FUT9: variants seen among roughly 807,000 people sequenced by gnomAD.
FUT9 encodes 4-galactosyl-N-acetylglucosaminide 3-alpha-L-fucosyltransferase 9.
FUT9 carries 15 observed loss-of-function variants against 29.7 expected under a neutral mutation model. The ratio of observed to expected loss-of-function variants is 0.51; its 90% CI spans 0.34 to 0.78. The LOEUF (loss-of-function observed/expected upper bound fraction) is 0.78, where lower values mean the gene tolerates loss of function less well. Among genes scored for constraint, FUT9 ranks in the 30% least tolerant of loss-of-function variants. FUT9 has a pLI of 0.01. For missense variants in FUT9, 319 were observed against 425.4 expected (o/e 0.75, Z 2.20); for synonymous variants, 169 against 153.7 (o/e 1.10, Z -0.74).
At chr6:96,072,789 ATTG>A (rs1771084903) in intron 1 of FUT9, among the ~76,000 whole-genome samples, 1 of 152,238 alleles carries the variant, frequency 6.6e-6, no homozygotes, top group Non-Finnish European at 1.5e-5. Context: ...GTTAATAAAA[ATTG>A]CACAAACATA....
chr6:96,024,510 A>G (rs1770129400), intron 1 of FUT9, among the ~76,000 whole-genome samples: 1 of 151,650 alleles, frequency 6.6e-6, no homozygotes, highest in South Asian at 2.1e-4. Context: ...GGCACCATCT[A>G]TTTCATCCTT....
Position 96,078,529 on chromosome 6 carries a change from T to C in FUT9, c.-97-35510T>C, listed in dbSNP as rs959980798. On this transcript the variant is annotated intron_variant, in intron 1 of 2. Coordinates refer to ENST00000302103, the MANE Select transcript of FUT9 (RefSeq NM_006581.4). The stretch of plus-strand genomic sequence containing the variant: ...TCCGCCTCCTGGATTCGCGCCATTC[T>C]CCTGCCTCAGCCTCCCGAGTAGCTG... Among the ~76,000 whole-genome samples the C allele has an allele frequency of 6.2e-5, 9 of 144,878 alleles. No homozygotes were observed. The East Asian group carries it at 2.0e-3, about 32-fold the overall frequency.
At chr6:96,114,635 T>C (rs1771876145) in intron 2 of FUT9, among the ~76,000 whole-genome samples, 1 of 151,132 alleles carries the variant, frequency 6.6e-6, no homozygotes, top group Admixed American at 6.6e-5. Flanking sequence ...TATATTCATA[T>C]ATGTAATTTA....
At chr6:96,147,410 C>T (rs1464068975) in intron 2 of FUT9, among the ~76,000 whole-genome samples, 1 of 152,058 alleles carries the variant, frequency 6.6e-6, no homozygotes, top group Non-Finnish European at 1.5e-5. Flanking sequence ...TTCAGGTGAT[C>T]CGCCTGCCTC....
At chr6:96,109,082 C>A (rs987649701) in intron 1 of FUT9, among the ~76,000 whole-genome samples, 2 of 152,154 alleles carry the variant, frequency 1.3e-5, no homozygotes, top group Non-Finnish European at 2.9e-5. Context: ...GATTTGGCTC[C>A]ATGACCTCTT....
intron 2 of FUT9, among the ~76,000 whole-genome samples, chr6:96,140,178 G>T (rs1000053107): frequency 1.3e-5 from 2 of 152,120 alleles, no homozygotes; most frequent in Non-Finnish European, 2.9e-5. Flanking sequence ...TAGCAAGAAT[G>T]ACCTTTACTC....
At chr6:96,052,152 G>A (rs1770682389) in intron 1 of FUT9, among the ~76,000 whole-genome samples, 1 of 152,018 alleles carries the variant, frequency 6.6e-6, no homozygotes, top group African/African-American at 2.4e-5. Context: ...GCAAAAGGGG[G>A]AAAACCCCTT....
chr6:96,103,465 G>T (rs573359796), intron 1 of FUT9, among the ~76,000 whole-genome samples: 4 of 152,078 alleles, frequency 2.6e-5, no homozygotes, highest in African/African-American at 9.7e-5. Flanking sequence ...AAACTGGGTG[G>T]CTTCAAACAA....
chr6:96,129,940 A>AT (rs559907711), intron 2 of FUT9, among the ~76,000 whole-genome samples: 92 of 152,110 alleles, frequency 6.0e-4, no homozygotes, highest in Non-Finnish European at 1.0e-3. Flanking sequence ...TATGCCTTGA[A>AT]TTTTTTAATT....
At chr6:96,063,175 G>T (rs1770905575) in intron 1 of FUT9, among the ~76,000 whole-genome samples, 1 of 152,144 alleles carries the variant, frequency 6.6e-6, no homozygotes, top group South Asian at 2.1e-4. Flanking sequence ...TGGAAAATGA[G>T]AAATATAAAA....
intron 1 of FUT9, among the ~76,000 whole-genome samples, chr6:96,038,408 ATTC>A (rs1304847096): frequency 1.3e-5 from 2 of 152,176 alleles, no homozygotes; most frequent in Admixed American, 6.5e-5. Flanking sequence ...CCCATTTTTA[ATTC>A]TTCTTCTTTG....
At chr6:96,092,239 T>G (rs1432748359) in intron 1 of FUT9, among the ~76,000 whole-genome samples, 4 of 152,128 alleles carry the variant, frequency 2.6e-5, no homozygotes, top group Non-Finnish European at 5.9e-5. Context: ...GAATTAGAGC[T>G]GTATAAATCT....
chr6:96,129,028 C>A (rs924620804), intron 2 of FUT9, among the ~76,000 whole-genome samples: 1 of 149,972 alleles, frequency 6.7e-6, no homozygotes, highest in African/African-American at 2.5e-5. Context: ...GAGGCCGAGG[C>A]GGGCGGATCA....
intron 1 of FUT9, among the ~76,000 whole-genome samples, chr6:96,109,832 C>T (rs2127960101): frequency 6.6e-6 from 1 of 152,262 alleles, no homozygotes; most frequent in South Asian, 2.1e-4. Context: ...TAAAGTCTAA[C>T]TCTTTACAAT....
intron 2 of FUT9, among the ~76,000 whole-genome samples, chr6:96,196,370 A>G (rs1723609875): frequency 6.6e-6 from 1 of 152,186 alleles, no homozygotes; most frequent in Non-Finnish European, 1.5e-5. Flanking sequence ...TGAAGAATGG[A>G]CAGTCATATG....
chr6:96,031,612 GC>G (rs1281135143), intron 1 of FUT9, among the ~76,000 whole-genome samples: 1 of 151,362 alleles, frequency 6.6e-6, no homozygotes. Flanking sequence ...CTTCAATAGA[GC>G]AACAGAATAT....
intron 2 of FUT9, among the ~76,000 whole-genome samples, chr6:96,181,491 ATGAG>A (rs1459972209): frequency 1.3e-5 from 2 of 151,232 alleles, no homozygotes; most frequent in African/African-American, 4.9e-5. Flanking sequence ...GTTTGGTTAC[ATGAG>A]TAAGTTATTT....
Position 96,057,567 on chromosome 6 carries a change from C to T in FUT9, c.-98+41355C>T, listed in dbSNP as rs535869101. 6.2e-4 allele frequency among the ~76,000 whole-genome samples: 94 copies of T among 152,260 alleles called. 3 individuals carry two copies. In the South Asian group the frequency reaches 0.019, roughly 31 times the overall value. On this transcript the variant is annotated intron_variant, in intron 1 of 2. Transcript: ENST00000302103. ...CATTTATACATGTTGATTTTATAAA[C>T]TTATTTTTTTTAAAGTTCTAAATTG...
chr6:96,074,797 G>C (rs72927917), intron 1 of FUT9, among the ~76,000 whole-genome samples: 6,408 of 151,998 alleles, frequency 0.042, 185 homozygotes, highest in South Asian at 0.12. Flanking sequence ...TTTTTTAAGA[G>C]ACAGGGTCTC....
Sources: gnomAD v4.1 joint callset for allele counts (sites outside exome capture counted in the v4.1 genomes callset) on GRCh38, gnomAD v4.1.1 for gene constraint, MANE v1.5 for transcripts, NCBI Gene and HGNC (gene_info 2026-07-23, HGNC 2026-07-21) for gene names.